The following ITIH1 variants were observed in gnomAD, a reference collection of about 807,000 sequenced individuals.
ITIH1 encodes inter-alpha-trypsin inhibitor heavy chain H1.
Under a neutral mutation model 104.6 loss-of-function variants are expected in ITIH1, and 94 were observed. The observed-to-expected ratio is 0.90, with a 90% CI of 0.76 to 1.07. ITIH1 has a LOEUF of 1.07. Ranked by LOEUF, ITIH1 falls within the 50% of genes least tolerant of loss-of-function variation. The pLI is 0.00. For synonymous variants in ITIH1, 455 were observed against 464.4 expected, an observed-to-expected ratio of 0.98 and a Z score of 0.26; for missense variants, 1,193 against 1,181.4, an observed-to-expected ratio of 1.01 and a Z score of -0.14.
chr3:52,779,554 T>C lies in ITIH1; in HGVS notation c.533T>C (p.Val178Ala). ...AGAAACCATATGCAGTATGAAATTG[T>C]CATCAAAGTCAAGCCCAAGCAGCTG... is the stretch of plus-strand genomic sequence containing the variant. ...LKRNHMQYEI[V>A]IKVKPKQLVH... is the part of the protein sequence containing the mutation. Residue 178 changes from valine to alanine, a missense_variant, in exon 5 of 22, where the codon GTC becomes GCC. Coordinates refer to ENST00000273283, the MANE Select transcript of ITIH1 (RefSeq NM_002215.4). The surrounding 1 kb of genome is among the most constrained non-coding windows in gnomAD (Gnocchi z 4.4). 1 of 1,614,178 alleles carries C rather than the reference T, an allele frequency of 6.2e-7. No individual in the cohort carries two copies. Among genetic ancestry groups the C allele is most frequent in the Non-Finnish European group, 8.5e-7 (1 of 1,180,024 alleles).
rs117815982 is a variant in ITIH1 at position 52,785,103 on chromosome 3, G to A, written c.1467G>A (p.Gln489=). 2.0e-3 allele frequency: 3,194 copies of A among 1,614,114 alleles called. 57 individuals carry two copies. In the East Asian group the frequency reaches 0.046, roughly 23 times the overall value. The change falls in exon 12 of 22, where the codon CAG becomes CAA. Residue 489 remains glutamine (Q), a synonymous_variant. Coordinates refer to ENST00000273283, the MANE Select transcript of ITIH1 (RefSeq NM_002215.4). The part of the protein sequence containing the change: ...LLVDVDLQYP[Q]DAVLALTQNH... The stretch of plus-strand genomic sequence containing the variant: ...TGGATGTGGATTTGCAGTACCCCCA[G>A]GATGCTGTCTTGGCCCTGACCCAGA...
rs777037118 is a variant in ITIH1 at position 52,786,210 on chromosome 3, G to A, written c.1594-85G>A. 8.0e-4 allele frequency: 1,109 copies of A among 1,394,902 alleles called. 1 individual carries two copies. Among genetic ancestry groups the A allele is most frequent in the Middle Eastern group, 7.7e-3 (33 of 4,304 alleles). The allele number at this position is 1,394,902 out of a possible 1,614,324, so 86.4% of individuals were successfully genotyped here. On this transcript the variant is annotated intron_variant, in intron 12 of 21. Transcript: ENST00000273283. ...GAGGACGAAGCTGCAGATACCAGAC[G>A]AAATGGGCCCCTCAGAGCCCCTAGC... is the stretch of plus-strand genomic sequence containing the variant.
At position 52,779,170 on chromosome 3, in the gene ITIH1, C is replaced by A; in HGVS notation, c.410+124C>A. On this transcript the variant is annotated intron_variant, in intron 4 of 21. Coordinates refer to ENST00000273283, the MANE Select transcript of ITIH1 (RefSeq NM_002215.4). This position sits in a 1 kb window ranked among gnomAD's most constrained non-coding sequence, Gnocchi z 4.4. ...ATGATGGAAGGGTAAGCAAACTGCC[C>A]AAACCCAGATGCCAGCACGGTGCAC... The A allele has an allele frequency of 2.5e-6, 2 of 791,410 alleles. No homozygotes were observed. The highest frequency in any genetic ancestry group is 4.4e-6 in the Non-Finnish European group (2 of 455,888). 49.0% of individuals were successfully genotyped at this position (791,410 alleles called of 1,614,324 possible). A position where few individuals can be genotyped will look rare whatever the true frequency, so the allele number is the denominator to read the frequency against.
chr3:52,790,661 A>T lies in ITIH1; in HGVS notation c.2322-88A>T, dbSNP rs575075826. On this transcript the variant is annotated intron_variant, in intron 19 of 21. Transcript: ENST00000273283. ...GGCCATGGGGTGGGGGCGTGGTCAT[A>T]AGGGTTGGGTCCCAGATGACAAGGG... is the stretch of plus-strand genomic sequence containing the variant. The T allele has an allele frequency of 6.8e-5, 93 of 1,369,066 alleles. 2 individuals carry two copies. The South Asian group carries it at 1.1e-3, about 16-fold the overall frequency. 84.8% of individuals were successfully genotyped at this position (1,369,066 alleles called of 1,614,324 possible).
chr3:52,781,866 CTTATG>C (rs1212002624), intron 6 of ITIH1, 69 bp from the exon 7 acceptor site: 3 of 1,577,598 alleles, frequency 1.9e-6, no homozygotes, highest in African/African-American at 2.7e-5. Context: ...CGCATGCCTT[CTTATG>C]TTGTCTTTGC....
chr3:52,787,502 C>T, intron 15 of ITIH1, 90 bp from the exon 16 acceptor site: 1 of 1,504,612 alleles, frequency 6.6e-7, no homozygotes, highest in Non-Finnish European at 9.3e-7. Context: ...GACGGCTGGG[C>T]CCAGGCCTGT....
In ITIH1 at chr3:52,778,011, G is replaced by A. The variant is rs72960294; in HGVS notation, c.132G>A (p.Val44=). The A allele has an allele frequency of 8.4e-3, 13,588 of 1,614,204 alleles. 934 individuals carry two copies. The African/African-American group carries it at 0.15, about 18-fold the overall frequency. The change falls in exon 2 of 22, where the codon GTG becomes GTA. Residue 44 remains valine (V), a synonymous_variant. Transcript: ENST00000273283. ...TTGTTTTGCAGAAGCGACAGGCTGT[G>A]GACACCGTGAGTAAGAGTCCTGGCA... ...RSKSSEKRQA[V]DTAVDGVFIR...
At position 52,783,288 on chromosome 3, in the gene ITIH1, A is replaced by G. The variant is rs1439538662; in HGVS notation, c.1174A>G (p.Ser392Gly). The change falls in exon 10 of 22, where the codon AGC (serine) becomes GGC (glycine). Residue 392 changes from serine (S) to glycine (G), a missense_variant. Physicochemically the swap from Ser to Gly is moderately conservative, Grantham distance 56. Coordinates refer to ENST00000273283, the MANE Select transcript of ITIH1 (RefSeq NM_002215.4). ...AGTTCAGGAAAGCCTCCCAGAACTC[A>G]GCAACCATGCCTCAATACTCATCAT... is the stretch of plus-strand genomic sequence containing the variant. ...NQVQESLPELSNHASILIMLT... is the reference protein window; with the variant it reads ...NQVQESLPELGNHASILIMLT... 1.2e-6 allele frequency: 2 copies of G among 1,614,186 alleles called. No individual in the cohort carries two copies. Among genetic ancestry groups the G allele is most frequent in the Non-Finnish European group, 1.7e-6 (2 of 1,180,032 alleles).
At chr3:52,787,522 A>G in intron 15 of ITIH1, 70 bp from the exon 16 acceptor site, 5 of 1,580,468 alleles carry the variant, frequency 3.2e-6, no homozygotes, top group Non-Finnish European at 4.4e-6. Flanking sequence ...TTGTGGACAG[A>G]GCTGCATGCC....
In ITIH1 at chr3:52,783,351, G is replaced by T. The variant is rs1324281989; in HGVS notation, c.1225+12G>T. 5 of 1,613,158 alleles carry T rather than the reference G, an allele frequency of 3.1e-6. No individual in the cohort carries two copies. The highest frequency in any genetic ancestry group is 4.2e-6 in the Non-Finnish European group (5 of 1,179,822). ...CGATCCCACAGAGGGTAAGCACCTT[G>T]GGGGCTGCCTTGGGAGGTAGTGATC... On this transcript the variant is annotated intron_variant, in intron 10 of 21. Coordinates refer to ENST00000273283, the MANE Select transcript of ITIH1 (RefSeq NM_002215.4).
At chr3:52,788,194 C>G (rs777730995) in intron 17 of ITIH1, 38 bp from the exon 18 acceptor site, 1 of 1,547,720 alleles carries the variant, frequency 6.5e-7, no homozygotes, top group East Asian at 2.3e-5. Flanking sequence ...CCCATCTGCC[C>G]GATGTCCAAT....
Position 52,782,969 on chromosome 3 carries a change from C to G in ITIH1, c.943C>G (p.Leu315Val). 6.2e-7 allele frequency: 1 copy of G among 1,614,044 alleles called. No individual in the cohort carries two copies. The highest frequency in any genetic ancestry group is 8.5e-7 in the Non-Finnish European group (1 of 1,179,968). The change falls in exon 9 of 22, where the codon CTC becomes GTC. Residue 315 changes from leucine to valine, a missense_variant. Leu to Val is a conservative substitution (Grantham distance 32). Coordinates refer to ENST00000273283, the MANE Select transcript of ITIH1 (RefSeq NM_002215.4). ...TCTGTCCTTGCAGACCAAGGAGGCA[C>G]TCCTTAAAATTCTGGGGGACATGCA... ...GQKVKQTKEA[L>V]LKILGDMQPG...
Position 52,791,504 on chromosome 3 carries a change from T to A in ITIH1, c.2495-13T>A. 1 of 1,606,678 alleles carries A rather than the reference T, an allele frequency of 6.2e-7. No individual in the cohort carries two copies. The highest frequency in any genetic ancestry group is 8.5e-7 in the Non-Finnish European group (1 of 1,173,602). ...CCGAGATGGTAACCGCTGTCTCCAATGTGCCTTTCTAGGGCAATTTTTCCA... is the reference window on the plus strand; with the variant it reads ...CCGAGATGGTAACCGCTGTCTCCAAAGTGCCTTTCTAGGGCAATTTTTCCA... On this transcript the variant is annotated splice_polypyrimidine_tract_variant and intron_variant, in intron 20 of 21. Coordinates refer to ENST00000273283, the MANE Select transcript of ITIH1 (RefSeq NM_002215.4).
At chr3:52,783,658 AGC>A (rs1699122692) in intron 10 of ITIH1, among the ~76,000 whole-genome samples, 5 of 152,294 alleles carry the variant, frequency 3.3e-5, no homozygotes, top group Middle Eastern at 3.4e-3. Context: ...CTGTATGCTA[AGC>A]AAGGGGCTAG....
intron 12 of ITIH1, among the ~76,000 whole-genome samples, chr3:52,785,825 AG>A (rs1350645648): frequency 1.1e-4 from 17 of 152,244 alleles, no homozygotes; most frequent in Admixed American, 1.0e-3. Flanking sequence ...ATACTGCATC[AG>A]AGCATTGTGT....
intron 1 of ITIH1, 45 bp downstream of exon 1, chr3:52,777,777 G>C (rs777845930): frequency 1.3e-5 from 19 of 1,515,382 alleles, no homozygotes; most frequent in Non-Finnish European, 1.6e-5. Flanking sequence ...GCTGAACCTG[G>C]ATGAGGCCCC....
intron 10 of ITIH1, 90 bp downstream of exon 10, chr3:52,783,429 T>C: frequency 2.1e-6 from 3 of 1,435,638 alleles, no homozygotes; most frequent in Non-Finnish European, 2.9e-6. Flanking sequence ...CCATTGGAGA[T>C]GCCATCAGGG....
chr3:52,785,313 C>A, intron 12 of ITIH1, 84 bp downstream of exon 12: 1 of 1,317,466 alleles, frequency 7.6e-7, no homozygotes, highest in African/African-American at 1.5e-5. Context: ...TCCTGCCATC[C>A]CCCAGAGGCC....
Position 52,784,301 on chromosome 3 carries a change from A to G in ITIH1, c.1231A>G (p.Thr411Ala). The change falls in exon 11 of 22, where the codon ACG becomes GCG. Residue 411 changes from threonine (T) to alanine (A), a missense_variant. By Grantham distance (58) the Thr-to-Ala change is moderately conservative. Coordinates refer to ENST00000273283, the MANE Select transcript of ITIH1 (RefSeq NM_002215.4). ...CCCAGGTGTGTGGCTTGCAGGGGTG[A>G]CGGACCGTTCCCAAATCCTCAAGAA... ...LTDGDPTEGV[T>A]DRSQILKNVR... 1.2e-6 allele frequency: 2 copies of G among 1,612,916 alleles called. No homozygotes were observed. The highest frequency in any genetic ancestry group is 1.7e-6 in the Non-Finnish European group (2 of 1,179,408).
Sources: gnomAD v4.1 joint callset for allele counts (sites outside exome capture counted in the v4.1 genomes callset) on GRCh38, gnomAD v4.1.1 for gene constraint, Gnocchi (gnomAD v3.1) non-coding constraint, MANE v1.5 for transcripts, NCBI Gene and HGNC (gene_info 2026-07-23, HGNC 2026-07-21) for gene names.